LARGE1: variants seen among roughly 807,000 people sequenced by gnomAD.
The protein encoded by LARGE1 is LARGE xylosyl- and glucuronyltransferase 1, also known as xylosyl- and glucuronyltransferase LARGE1.
In LARGE1, 43 loss-of-function variants were observed where a neutral mutation model predicts 87.6. The observed-to-expected ratio is 0.49, with a 90% CI of 0.38 to 0.63. LARGE1 has a LOEUF of 0.63. Among genes scored for constraint, LARGE1 ranks in the 30% least tolerant of loss-of-function variants. LARGE1 has a pLI of 0.00. For synonymous variants in LARGE1, 434 were observed against 394.6 expected (o/e 1.10, Z -1.18); for missense variants, 802 against 1,000.2 (o/e 0.80, Z 2.67).
At chr22:33,730,156 C>A (rs1220221428) in intron 2 of LARGE1, among the ~76,000 whole-genome samples, 1 of 152,120 alleles carries the variant, frequency 6.6e-6, no homozygotes, top group Non-Finnish European at 1.5e-5. Context: ...CCTCCTCAGC[C>A]TACTCAACAT....
chr22:33,587,057 G>A (rs1017148618), intron 5 of LARGE1, among the ~76,000 whole-genome samples: 11 of 152,112 alleles, frequency 7.2e-5, no homozygotes, highest in Non-Finnish European at 1.5e-4. Context: ...ATTACATCAT[G>A]AGCATTTCCC....
chr22:33,610,207 G>A (rs2079386750), intron 4 of LARGE1, among the ~76,000 whole-genome samples: 1 of 152,216 alleles, frequency 6.6e-6, no homozygotes, highest in Admixed American at 6.5e-5. Context: ...CAACTTTGGA[G>A]CTGGGTAACA....
chr22:33,748,320 C>T (rs541493367), intron 2 of LARGE1, among the ~76,000 whole-genome samples: 2 of 151,996 alleles, frequency 1.3e-5, no homozygotes, highest in East Asian at 1.9e-4. Context: ...TTAGTAGAGA[C>T]GGGGTTTCAC....
intron 3 of LARGE1, among the ~76,000 whole-genome samples, chr22:33,636,008 T>A (rs2080256017): frequency 6.6e-6 from 1 of 152,166 alleles, no homozygotes; most frequent in South Asian, 2.1e-4. Context: ...AGTCTCTTGG[T>A]GTCCCCTCCA....
At chr22:33,379,266 T>TTTC (rs759415229) in intron 9 of LARGE1, among the ~76,000 whole-genome samples, 13,534 of 104,630 alleles carry the variant, frequency 0.13, 997 homozygotes, top group African/African-American at 0.38. Flanking sequence ...TTCTTTCTTT[T>TTTC]TTTTTTTTTT....
intron 1 of LARGE1, among the ~76,000 whole-genome samples, chr22:33,822,438 C>T (rs1374935704): frequency 6.6e-6 from 1 of 152,170 alleles, no homozygotes; most frequent in African/African-American, 2.4e-5. Flanking sequence ...GTGGCTCATA[C>T]CTGTAATCCC....
At chr22:33,299,154 G>C (rs938447594) in intron 12 of LARGE1, among the ~76,000 whole-genome samples, 1 of 151,370 alleles carries the variant, frequency 6.6e-6, no homozygotes, top group African/African-American at 2.4e-5. Context: ...TTGAGGTTGC[G>C]GTGAGCCATG....
chr22:33,877,420 A>G lies in LARGE1; in HGVS notation c.-83+42575T>C, dbSNP rs979622090. The stretch of plus-strand genomic sequence containing the variant: ...CCAAGATTTTGTAAGAAACTAGCAC[A>G]GCAGGGCTCTGAGGACAGATTATCT... On this transcript the variant is annotated intron_variant, in intron 1 of 14. Transcript: ENST00000397394. Among the ~76,000 whole-genome samples, 5 of 152,190 alleles carry G rather than the reference A, an allele frequency of 3.3e-5. No homozygotes were observed. The South Asian group carries it at 6.2e-4, about 19-fold the overall frequency.
At chr22:33,508,184 T>C (rs2070855768) in intron 6 of LARGE1, among the ~76,000 whole-genome samples, 1 of 152,200 alleles carries the variant, frequency 6.6e-6, no homozygotes, top group Non-Finnish European at 1.5e-5. Context: ...GAATTTCACA[T>C]AGCCAAAACC....
At chr22:33,133,840 C>T in the LARGE1 span, among the ~76,000 whole-genome samples, 1 of 151,830 alleles carries the variant, frequency 6.6e-6, no homozygotes, top group Non-Finnish European at 1.5e-5. Flanking sequence ...CTCTCTCCAG[C>T]ATCTGTTGTT....
chr22:33,517,641 C>T (rs2071377703), intron 6 of LARGE1, among the ~76,000 whole-genome samples: 2 of 152,134 alleles, frequency 1.3e-5, no homozygotes, highest in South Asian at 4.2e-4. Context: ...ACTTGTGATC[C>T]GCCTGCCTCA....
chr22:33,721,788 A>C (rs2083104879), intron 2 of LARGE1, among the ~76,000 whole-genome samples: 1 of 152,206 alleles, frequency 6.6e-6, no homozygotes, highest in Non-Finnish European at 1.5e-5. Flanking sequence ...GTGCATCCTG[A>C]TTGGTCTGAG....
chr22:33,492,344 C>A (rs1276094722), intron 6 of LARGE1, among the ~76,000 whole-genome samples: 1 of 152,182 alleles, frequency 6.6e-6, no homozygotes, highest in African/African-American at 2.4e-5. Context: ...CACAACATTG[C>A]CAGTGACACT....
At chr22:33,453,243 C>T (rs986578620) in intron 6 of LARGE1, among the ~76,000 whole-genome samples, 2 of 152,012 alleles carry the variant, frequency 1.3e-5, no homozygotes, top group South Asian at 2.1e-4. Context: ...GGTGAAACCC[C>T]ATCTCTACTA....
At chr22:33,257,027 G>T in intron 11 of LARGE1, among the ~76,000 whole-genome samples, 1 of 152,104 alleles carries the variant, frequency 6.6e-6, no homozygotes, top group East Asian at 1.9e-4. Context: ...CCAACATGGA[G>T]AAAACGCATC....
At chr22:33,501,657 T>G (rs920691859) in intron 6 of LARGE1, among the ~76,000 whole-genome samples, 3 of 152,092 alleles carry the variant, frequency 2.0e-5, no homozygotes, top group Admixed American at 6.5e-5. Context: ...CAACACTTAT[T>G]TGAATTGAAC....
intron 6 of LARGE1, among the ~76,000 whole-genome samples, chr22:33,472,901 G>A (rs2068907937): frequency 6.6e-6 from 1 of 152,194 alleles, no homozygotes; most frequent in African/African-American, 2.4e-5. Context: ...CGATGCACCT[G>A]TATCTTTCTG....
intron 2 of LARGE1, among the ~76,000 whole-genome samples, chr22:33,652,490 T>A (rs1486009437): frequency 6.6e-6 from 1 of 151,908 alleles, no homozygotes; most frequent in African/African-American, 2.4e-5. Context: ...TACCCAAAGC[T>A]ATCACTTATT....
chr22:33,600,171 T>C (rs1196652793), intron 5 of LARGE1, among the ~76,000 whole-genome samples: 1 of 152,216 alleles, frequency 6.6e-6, no homozygotes, highest in East Asian at 1.9e-4. Flanking sequence ...ATCGGTTTTA[T>C]TATTCTTAGG....
Sources: gnomAD v4.1 joint callset for allele counts (sites outside exome capture counted in the v4.1 genomes callset) on GRCh38, gnomAD v4.1.1 for gene constraint, MANE v1.5 for transcripts, NCBI Gene and HGNC (gene_info 2026-07-23, HGNC 2026-07-21) for gene names.